Variants in MDGA2 observed in about 807,000 individuals in gnomAD.
MDGA2 encodes the protein MAM domain-containing glycosylphosphatidylinositol anchor protein 2.
In MDGA2, 40 loss-of-function variants were observed where a neutral mutation model predicts 117.8. The ratio of observed to expected loss-of-function variants is 0.34; its 90% CI spans 0.26 to 0.44. The LOEUF (loss-of-function observed/expected upper bound fraction) is 0.44, where lower values mean the gene tolerates loss of function less well. Among genes scored for constraint, MDGA2 ranks in the 20% least tolerant of loss-of-function variants. The probability of loss-of-function intolerance (pLI) is 1.00; values close to 1 mark genes in which losing one functional copy is unlikely to be tolerated. For missense variants in MDGA2, 1,123 were observed against 1,250.6 expected, an observed-to-expected ratio of 0.90 and a Z score of 1.54; for synonymous variants, 452 against 439.0, an observed-to-expected ratio of 1.03 and a Z score of -0.37.
chr14:47,245,360 G>A (rs902731444), intron 2 of MDGA2, among the ~76,000 whole-genome samples: 2 of 151,728 alleles, frequency 1.3e-5, no homozygotes, highest in Non-Finnish European at 2.9e-5. Flanking sequence ...TACAAAATAT[G>A]TGTTAACTGA....
chr14:46,849,464 T>C (rs1390193218), intron 15 of MDGA2, among the ~76,000 whole-genome samples: 1 of 151,914 alleles, frequency 6.6e-6, no homozygotes, highest in Non-Finnish European at 1.5e-5. Flanking sequence ...AACAGATTCA[T>C]AAATGACTCC....
At chr14:47,102,975 T>C (rs1375464377) in intron 5 of MDGA2, among the ~76,000 whole-genome samples, 4 of 152,034 alleles carry the variant, frequency 2.6e-5, no homozygotes, top group Non-Finnish European at 5.9e-5. Context: ...GGAGACAATG[T>C]GTAAAGAGTA....
In MDGA2 at chr14:47,550,676, C is replaced by T. The variant is rs182887157; in HGVS notation, c.280+123841G>A. Among the ~76,000 whole-genome samples, 401 of 151,786 alleles carry T rather than the reference C, an allele frequency of 2.6e-3. 3 individuals carry two copies. Among genetic ancestry groups the T allele is most frequent in the African/African-American group, 9.4e-3 (388 of 41,386 alleles). On this transcript the variant is annotated intron_variant, in intron 1 of 16. Transcript: ENST00000399232. ...TCACTATCCTGAAAAAAAGAAAAGA[C>T]CAAATTCTTGTCTCACTATATGAGA...
chr14:47,467,408 G>T (rs1893626166), intron 1 of MDGA2, among the ~76,000 whole-genome samples: 1 of 152,116 alleles, frequency 6.6e-6, no homozygotes, highest in Non-Finnish European at 1.5e-5. Context: ...CTTGTAGCAT[G>T]ATATCCAATA....
At chr14:47,672,669 C>A (rs1898096929) in intron 1 of MDGA2, among the ~76,000 whole-genome samples, 1 of 152,130 alleles carries the variant, frequency 6.6e-6, no homozygotes, top group Non-Finnish European at 1.5e-5. Context: ...CAAAAAATTC[C>A]TTTTAGCTAA....
chr14:47,300,912 C>T (rs1251801361), intron 2 of MDGA2, among the ~76,000 whole-genome samples: 1 of 152,112 alleles, frequency 6.6e-6, no homozygotes, highest in African/African-American at 2.4e-5. Flanking sequence ...TGAGTGCATA[C>T]AGTATCTGCA....
chr14:47,088,805 T>G (rs1446946741), intron 6 of MDGA2, among the ~76,000 whole-genome samples: 2 of 152,312 alleles, frequency 1.3e-5, no homozygotes, highest in East Asian at 3.9e-4. Flanking sequence ...ACTGATATCT[T>G]CCAGTAACTA....
intron 2 of MDGA2, among the ~76,000 whole-genome samples, chr14:47,289,430 CTT>C (rs1386283366): frequency 6.6e-6 from 1 of 151,248 alleles, no homozygotes; most frequent in Non-Finnish European, 1.5e-5. Flanking sequence ...AAAAAAGTCT[CTT>C]CAGGCTATGC....
At chr14:47,570,060 A>G (rs1468433865) in intron 1 of MDGA2, among the ~76,000 whole-genome samples, 2 of 152,188 alleles carry the variant, frequency 1.3e-5, no homozygotes, top group Admixed American at 6.5e-5. Context: ...TCTAATGAAT[A>G]AAGGAAAAGG....
chr14:47,510,982 T>G (rs1307992191), intron 1 of MDGA2, among the ~76,000 whole-genome samples: 1 of 152,220 alleles, frequency 6.6e-6, no homozygotes, highest in African/African-American at 2.4e-5. Flanking sequence ...CAAGTTGTTG[T>G]TCTCTATTCT....
intron 1 of MDGA2, chr14:47,444,188 C>A: frequency 4.5e-6 from 1 of 219,912 alleles, no homozygotes; most frequent in South Asian, 7.8e-5. Flanking sequence ...CTGAGGTTGT[C>A]AATACAACTA....
chr14:47,247,087 C>A lies in MDGA2; in HGVS notation c.421-28892G>T, dbSNP rs545914053. 8.4e-4 allele frequency among the ~76,000 whole-genome samples: 128 copies of A among 151,900 alleles called. 1 individual carries two copies. Among genetic ancestry groups the A allele is most frequent in the African/African-American group, 2.9e-3 (120 of 41,504 alleles). ...ACCATGTAATGTTAAGGCTATACTT[C>A]AGGCTGTATCTTAACCAGTGTCTTT... On this transcript the variant is annotated intron_variant, in intron 2 of 16. Coordinates refer to ENST00000399232, the MANE Select transcript of MDGA2 (RefSeq NM_001113498.3).
At chr14:46,890,228 A>G (rs1471392118) in intron 10 of MDGA2, among the ~76,000 whole-genome samples, 1 of 152,008 alleles carries the variant, frequency 6.6e-6, no homozygotes, top group Non-Finnish European at 1.5e-5. Flanking sequence ...TTAAAAGTTC[A>G]TTTGTCACCT....
At chr14:47,143,681 A>C (rs1594665461) in intron 4 of MDGA2, among the ~76,000 whole-genome samples, 1 of 152,278 alleles carries the variant, frequency 6.6e-6, no homozygotes, top group South Asian at 2.1e-4. Context: ...ATTTCAAACA[A>C]GTTTCTTCAT....
chr14:47,038,257 G>A (rs1888929527), intron 7 of MDGA2, among the ~76,000 whole-genome samples: 1 of 152,000 alleles, frequency 6.6e-6, no homozygotes, highest in South Asian at 2.1e-4. Flanking sequence ...CTAAGAATTT[G>A]TACTTTATTA....
chr14:47,024,226 C>T (rs1188737847), intron 8 of MDGA2, among the ~76,000 whole-genome samples: 1 of 152,150 alleles, frequency 6.6e-6, no homozygotes, highest in African/African-American at 2.4e-5. Context: ...CTTAGAGCTT[C>T]AAGTGAGCAC....
chr14:46,927,040 G>A (rs1010828210), intron 9 of MDGA2, among the ~76,000 whole-genome samples: 8 of 152,108 alleles, frequency 5.3e-5, no homozygotes, highest in Non-Finnish European at 1.0e-4. Context: ...GAAAATGACT[G>A]TGAGTATCTC....
At chr14:47,406,186 A>C (rs66807459) in intron 1 of MDGA2, among the ~76,000 whole-genome samples, 40,269 of 151,998 alleles carry the variant, frequency 0.26, 5,681 homozygotes, top group Middle Eastern at 0.41. Flanking sequence ...TCATTTTGGA[A>C]AAAAATTTGG....
intron 1 of MDGA2, among the ~76,000 whole-genome samples, chr14:47,387,380 A>G (rs1365535944): frequency 6.6e-6 from 1 of 151,800 alleles, no homozygotes; most frequent in Non-Finnish European, 1.5e-5. Context: ...GGTGGAGACT[A>G]AAGTTGTTAT....
Sources: gnomAD v4.1 joint callset for allele counts (sites outside exome capture counted in the v4.1 genomes callset) on GRCh38, gnomAD v4.1.1 for gene constraint, MANE v1.5 for transcripts, NCBI Gene and HGNC (gene_info 2026-07-23, HGNC 2026-07-21) for gene names.